Variants in GBE1 observed in about 807,000 individuals in gnomAD.
The protein encoded by GBE1 is 1,4-alpha-glucan-branching enzyme.
GBE1 carries 70 observed loss-of-function variants against 88.8 expected under a neutral mutation model. That is an observed-to-expected ratio of 0.79 (90% CI 0.65 to 0.96). The LOEUF (loss-of-function observed/expected upper bound fraction) is 0.96. GBE1 is among the 40% of genes least tolerant of loss of function. GBE1 has a pLI of 0.00. For missense variants in GBE1, 872 were observed against 871.0 expected (o/e 1.00, Z -0.01); for synonymous variants, 284 against 300.1 (o/e 0.95, Z 0.56).
intron 14 of GBE1, among the ~76,000 whole-genome samples, chr3:81,526,730 A>G (rs1176008017): frequency 1.3e-5 from 2 of 152,168 alleles, no homozygotes; most frequent in South Asian, 4.1e-4. Context: ...GGATACAAAC[A>G]AATGGAAGAA....
chr3:81,653,344 G>A (rs923085283), intron 3 of GBE1, among the ~76,000 whole-genome samples: 3 of 151,848 alleles, frequency 2.0e-5, no homozygotes, highest in African/African-American at 4.8e-5. Context: ...TAAATTAAAC[G>A]GCATGATGAT....
chr3:81,588,571 TA>T (rs766835894), intron 9 of GBE1, among the ~76,000 whole-genome samples: 2 of 150,134 alleles, frequency 1.3e-5, no homozygotes, highest in Non-Finnish European at 3.0e-5. Context: ...TTTTTTTGGA[TA>T]AACATAGAAT....
intron 1 of GBE1, among the ~76,000 whole-genome samples, chr3:81,728,566 G>A (rs1706142947): frequency 6.6e-6 from 1 of 152,080 alleles, no homozygotes; most frequent in South Asian, 2.1e-4. Context: ...CTAGAGCTGA[G>A]ACCTTTAGTT....
Position 81,490,282 on chromosome 3 carries a change from C to G in GBE1, c.*125G>C. The G allele has an allele frequency of 2.5e-6, 2 of 788,120 alleles. No homozygotes were observed. The highest frequency in any genetic ancestry group is 4.3e-6 in the Non-Finnish European group (2 of 461,620). The allele number at this position is 788,120 out of a possible 1,614,324, so 48.8% of individuals were successfully genotyped here. A position where few individuals can be genotyped will look rare whatever the true frequency, so the allele number is the denominator to read the frequency against. On this transcript the variant is annotated 3_prime_UTR_variant, in exon 16 of 16. Transcript: ENST00000429644. ...ATTTGCATAAACCAATATTGAATTT[C>G]AGACACTTGATGGCTTGGCTAGACA...
intron 2 of GBE1, among the ~76,000 whole-genome samples, chr3:81,687,821 A>G (rs1461026339): frequency 6.6e-6 from 1 of 152,212 alleles, no homozygotes; most frequent in Non-Finnish European, 1.5e-5. Flanking sequence ...AGTAGCATCA[A>G]AGAAAAGTAG....
At chr3:81,710,263 C>T (rs1284947880) in intron 1 of GBE1, among the ~76,000 whole-genome samples, 1 of 78,956 alleles carries the variant, frequency 1.3e-5, no homozygotes, top group Non-Finnish European at 2.3e-5. Flanking sequence ...GAGACGGACT[C>T]TCACTCTGTT....
At chr3:81,624,405 G>T (rs1704375030) in intron 7 of GBE1, among the ~76,000 whole-genome samples, 1 of 152,070 alleles carries the variant, frequency 6.6e-6, no homozygotes, top group Admixed American at 6.6e-5. Context: ...TATTACTTAG[G>T]CATCAACATT....
At chr3:81,738,338 A>T (rs1706299578) in intron 1 of GBE1, among the ~76,000 whole-genome samples, 1 of 151,052 alleles carries the variant, frequency 6.6e-6, no homozygotes, top group South Asian at 2.1e-4. Flanking sequence ...ACTGACTTCC[A>T]CAATGGTTGA....
chr3:81,718,883 C>T (rs959059962), intron 1 of GBE1, among the ~76,000 whole-genome samples: 1 of 152,102 alleles, frequency 6.6e-6, no homozygotes, highest in African/African-American at 2.4e-5. Context: ...GATCCGCCCA[C>T]CTCGACCTCC....
At chr3:81,647,183 C>T (rs536855808) in intron 5 of GBE1, among the ~76,000 whole-genome samples, 1 of 152,196 alleles carries the variant, frequency 6.6e-6, no homozygotes, top group Non-Finnish European at 1.5e-5. Flanking sequence ...GTCTCGAACT[C>T]CTGACCTCAG....
At chr3:81,651,249 A>G (rs1374032814) in intron 3 of GBE1, among the ~76,000 whole-genome samples, 1 of 152,340 alleles carries the variant, frequency 6.6e-6, no homozygotes, top group East Asian at 1.9e-4. Context: ...GTGAGATTAC[A>G]TAAGTTGCCA....
intron 7 of GBE1, chr3:81,612,583 G>T: frequency 1.5e-6 from 1 of 671,434 alleles, no homozygotes; most frequent in Admixed American, 1.8e-5. Context: ...CCAAATTTGG[G>T]ATGTTGGCGA....
intron 2 of GBE1, among the ~76,000 whole-genome samples, chr3:81,689,828 G>T (rs914163716): frequency 1.3e-5 from 2 of 152,198 alleles, no homozygotes; most frequent in African/African-American, 4.8e-5. Context: ...GTTGTTTGCA[G>T]TGGGGAGGAG....
intron 14 of GBE1, among the ~76,000 whole-genome samples, chr3:81,524,066 A>C (rs966802184): frequency 1.3e-5 from 2 of 151,824 alleles, no homozygotes; most frequent in Non-Finnish European, 2.9e-5. Flanking sequence ...TTTTCTGAGT[A>C]ATCTCCATAC....
At chr3:81,526,368 C>A (rs1023411945) in intron 14 of GBE1, among the ~76,000 whole-genome samples, 1 of 151,016 alleles carries the variant, frequency 6.6e-6, no homozygotes, top group Admixed American at 6.6e-5. Flanking sequence ...AAGTTCTGGC[C>A]AGGGCAATCA....
chr3:81,718,377 T>C (rs996913883), intron 1 of GBE1, among the ~76,000 whole-genome samples: 13 of 152,252 alleles, frequency 8.5e-5, no homozygotes, highest in African/African-American at 2.9e-4. Context: ...CAGTATCTTA[T>C]GGAGTACTTA....
intron 7 of GBE1, among the ~76,000 whole-genome samples, chr3:81,620,313 G>T (rs947101439): frequency 2.6e-5 from 4 of 151,870 alleles, no homozygotes; most frequent in Admixed American, 6.6e-5. Flanking sequence ...CTCCTGAGTA[G>T]CTGGGATTAC....
chr3:81,696,531 CTG>C (rs1705598246), intron 2 of GBE1, among the ~76,000 whole-genome samples: 1 of 152,156 alleles, frequency 6.6e-6, no homozygotes, highest in South Asian at 2.1e-4. Flanking sequence ...CTAGATGTGA[CTG>C]TTATAAAACA....
intron 12 of GBE1, among the ~76,000 whole-genome samples, chr3:81,570,799 C>T (rs1243585102): frequency 6.6e-5 from 10 of 151,970 alleles, no homozygotes; most frequent in Non-Finnish European, 4.4e-5. Context: ...TCTTAATTCT[C>T]TTAATTCAGT....
Sources: allele counts gnomAD v4.1 joint callset (sites outside exome capture counted in the v4.1 genomes callset), GRCh38; gene constraint gnomAD v4.1.1; transcripts MANE v1.5; gene names NCBI Gene and HGNC (gene_info 2026-07-23, HGNC 2026-07-21).